KCTD8: variants seen among roughly 807,000 people sequenced by gnomAD.
KCTD8 encodes BTB/POZ domain-containing protein KCTD8.
A neutral mutation model predicts 31.5 loss-of-function variants in KCTD8; 27 were observed. The observed-to-expected ratio is 0.86, with a 90% confidence interval of 0.63 to 1.18. KCTD8 has a LOEUF of 1.18. Among genes scored for constraint, KCTD8 ranks in the 50% most tolerant of loss-of-function variants. The pLI, the probability that KCTD8 is intolerant of heterozygous loss-of-function variation, is 0.00. For missense variants in KCTD8, 658 were observed against 647.7 expected (o/e 1.02, Z -0.17); for synonymous variants, 290 against 280.0 (o/e 1.04, Z -0.36).
intron 1 of KCTD8, among the ~76,000 whole-genome samples, chr4:44,420,574 G>C (rs184432418): frequency 6.6e-6 from 1 of 152,272 alleles, no homozygotes; most frequent in Non-Finnish European, 1.5e-5. Context: ...GCCATAATTT[G>C]AACCCTTGAG....
At chr4:44,341,130 A>G (rs1030317625) in intron 1 of KCTD8, among the ~76,000 whole-genome samples, 1 of 152,184 alleles carries the variant, frequency 6.6e-6, no homozygotes, top group African/African-American at 2.4e-5. Flanking sequence ...GTTATTATTT[A>G]TACTGTACTA....
intron 1 of KCTD8, among the ~76,000 whole-genome samples, chr4:44,262,755 T>A (rs2109366363): frequency 6.6e-6 from 1 of 152,200 alleles, no homozygotes; most frequent in South Asian, 2.1e-4. Flanking sequence ...TTTAATTAAG[T>A]GGGATGCCTT....
At position 44,369,499 on chromosome 4, in the gene KCTD8, C is replaced by A. The variant is rs572204166; in HGVS notation, c.961+78064G>T. Among the ~76,000 whole-genome samples, 69 of 152,274 alleles carry A rather than the reference C, an allele frequency of 4.5e-4. 1 individual carries two copies. The Middle Eastern group carries it at 0.014, about 30-fold the overall frequency. Reference sequence around the variant, plus strand: ...GAATTTTGCTAAACTTACTTGATAACCACTTATTTAAAATAAAAGGGATTG... The same window carrying A: ...GAATTTTGCTAAACTTACTTGATAAACACTTATTTAAAATAAAAGGGATTG... On this transcript the variant is annotated intron_variant, in intron 1 of 1. Coordinates refer to ENST00000360029, the MANE Select transcript of KCTD8 (RefSeq NM_198353.3).
chr4:44,374,097 T>C (rs1322615437), intron 1 of KCTD8, among the ~76,000 whole-genome samples: 2 of 152,170 alleles, frequency 1.3e-5, no homozygotes, highest in Non-Finnish European at 2.9e-5. Context: ...ATGTAGGCAA[T>C]GGCCAATATT....
At chr4:44,431,657 G>T (rs1422783161) in intron 1 of KCTD8, among the ~76,000 whole-genome samples, 1 of 151,406 alleles carries the variant, frequency 6.6e-6, no homozygotes, top group East Asian at 1.9e-4. Context: ...TCTTATCAGG[G>T]TATCTTTTGA....
chr4:44,175,353 T>C, intron 1 of KCTD8, 103 bp from the exon 2 acceptor site: 1 of 711,900 alleles, frequency 1.4e-6, no homozygotes, highest in Non-Finnish European at 2.2e-6. Context: ...ACCAAGAACA[T>C]TTATTTTAAC....
intron 1 of KCTD8, among the ~76,000 whole-genome samples, chr4:44,239,896 T>G (rs1715399281): frequency 6.6e-6 from 1 of 152,204 alleles, no homozygotes; most frequent in African/African-American, 2.4e-5. Flanking sequence ...GTCTTTAATC[T>G]TAATACCTGT....
At chr4:44,181,444 C>G (rs1038925380) in intron 1 of KCTD8, among the ~76,000 whole-genome samples, 1 of 152,198 alleles carries the variant, frequency 6.6e-6, no homozygotes, top group East Asian at 1.9e-4. Context: ...GACGGGGTTT[C>G]GCTGTGTTGG....
rs145706839 is a variant in KCTD8 at position 44,411,252 on chromosome 4, C to T, written c.961+36311G>A. Among the ~76,000 whole-genome samples the T allele has an allele frequency of 4.2e-3, 645 of 151,964 alleles. 6 individuals are homozygous for T. The highest frequency in any genetic ancestry group is 0.01 in the Middle Eastern group (3 of 292). On this transcript the variant is annotated intron_variant, in intron 1 of 1. Coordinates refer to ENST00000360029, the MANE Select transcript of KCTD8 (RefSeq NM_198353.3). ...AGTTAACCAGGTATGGTGGTGTGCT[C>T]CTATAGTTCCAGCTACTTGAGAAAC...
In KCTD8 at chr4:44,203,432, G is replaced by A. The variant is rs200829841; in HGVS notation, c.962-28182C>T. ...TTGAACCCAGGAAGCGGAGGTTGCA[G>A]TAAGCCAAGATCGTGCCATTGTACT... On this transcript the variant is annotated intron_variant, in intron 1 of 1. Transcript: ENST00000360029. Among the ~76,000 whole-genome samples, 7 of 146,840 alleles carry A rather than the reference G, an allele frequency of 4.8e-5. No individual in the cohort carries two copies. The East Asian group carries it at 1.5e-3, about 31-fold the overall frequency.
At chr4:44,283,966 G>A (rs1358021991) in intron 1 of KCTD8, among the ~76,000 whole-genome samples, 1 of 152,030 alleles carries the variant, frequency 6.6e-6, no homozygotes, top group Non-Finnish European at 1.5e-5. Flanking sequence ...CACTGCTCAA[G>A]GAAATAAAAG....
At chr4:44,233,641 TG>T (rs1202642460) in intron 1 of KCTD8, among the ~76,000 whole-genome samples, 1 of 152,206 alleles carries the variant, frequency 6.6e-6, no homozygotes, top group African/African-American at 2.4e-5. Context: ...GCTCTGTCCT[TG>T]TTTTATTTTT....
Position 44,219,932 on chromosome 4 carries a change from C to T in KCTD8, c.962-44682G>A, listed in dbSNP as rs548865945. On this transcript the variant is annotated intron_variant, in intron 1 of 1. Coordinates refer to ENST00000360029, the MANE Select transcript of KCTD8 (RefSeq NM_198353.3). ...ATCTGTAAGCTTCAGGCAATACTAA[C>T]GTATAATTTATGAATATAAAAATGT... is the stretch of plus-strand genomic sequence containing the variant. Among the ~76,000 whole-genome samples, 32 of 152,218 alleles carry T rather than the reference C, an allele frequency of 2.1e-4. No homozygotes were observed. The East Asian group carries it at 5.8e-3, about 28-fold the overall frequency.
At chr4:44,231,941 A>C (rs74376518) in intron 1 of KCTD8, among the ~76,000 whole-genome samples, 8,138 of 152,194 alleles carry the variant, frequency 0.053, 734 homozygotes, top group African/African-American at 0.19. Flanking sequence ...GAAACTTCTT[A>C]AGTAGTTTTG....
intron 1 of KCTD8, among the ~76,000 whole-genome samples, chr4:44,392,742 G>T (rs34766712): frequency 6.6e-6 from 1 of 151,784 alleles, no homozygotes; most frequent in African/African-American, 2.4e-5. Context: ...CCTCTAGGTT[G>T]AATAAGGAGA....
chr4:44,210,443 T>G (rs2109343302), intron 1 of KCTD8, among the ~76,000 whole-genome samples: 1 of 152,344 alleles, frequency 6.6e-6, no homozygotes, highest in African/African-American at 2.4e-5. Flanking sequence ...CCAATGAGGT[T>G]ATATAACAAT....
At chr4:44,268,341 C>A (rs1349320833) in intron 1 of KCTD8, among the ~76,000 whole-genome samples, 1 of 152,028 alleles carries the variant, frequency 6.6e-6, no homozygotes, top group Non-Finnish European at 1.5e-5. Context: ...CAAAATTCAA[C>A]AACCCTTCAT....
intron 1 of KCTD8, among the ~76,000 whole-genome samples, chr4:44,286,852 G>C (rs1717094547): frequency 6.6e-6 from 1 of 152,130 alleles, no homozygotes; most frequent in Admixed American, 6.6e-5. Flanking sequence ...AGATGATGGT[G>C]AGAGTGGATA....
intron 1 of KCTD8, among the ~76,000 whole-genome samples, chr4:44,290,994 A>C (rs1280419828): frequency 6.6e-6 from 1 of 152,102 alleles, no homozygotes; most frequent in Non-Finnish European, 1.5e-5. Flanking sequence ...GAGAAGCAAA[A>C]GTCTACACAA....
Sources: allele counts gnomAD v4.1 joint callset (sites outside exome capture counted in the v4.1 genomes callset), GRCh38; gene constraint gnomAD v4.1.1; transcripts MANE v1.5; gene names NCBI Gene and HGNC (gene_info 2026-07-23, HGNC 2026-07-21).